Variants in ZC4H2 observed in about 807,000 individuals in gnomAD.
The protein encoded by ZC4H2 is zinc finger C4H2-type containing, also known as zinc finger C4H2 domain-containing protein.
For synonymous variants in ZC4H2, 84 were observed against 66.3 expected, an observed-to-expected ratio of 1.27 and a Z score of -1.30; for missense variants, 137 against 173.9, an observed-to-expected ratio of 0.79 and a Z score of 1.19.
At chrX:64,932,361 G>A (rs1007883028) in intron 1 of ZC4H2, among the ~76,000 whole-genome samples, 3 of 111,070 alleles carry the variant, frequency 2.7e-5, no homozygotes, top group Admixed American at 1.9e-4. Flanking sequence ...ATTTACATTC[G>A]ATGTTAGTAT....
intron 1 of ZC4H2, among the ~76,000 whole-genome samples, chrX:64,995,040 C>T (rs1932384321): frequency 9.6e-6 from 1 of 103,849 alleles, no homozygotes; most frequent in Non-Finnish European, 2.0e-5. Flanking sequence ...AAGGAAATTA[C>T]AAAATCAGTC....
chrX:65,034,723 G>C (rs1316885358), upstream of ZC4H2: 1 of 113,181 alleles, frequency 8.8e-6, no homozygotes, highest in Non-Finnish European at 1.9e-5. Flanking sequence ...CGGCGCCAGC[G>C]GTGGCAGCAG....
At chrX:64,978,772 C>A (rs1342644350), upstream of ZC4H2, among the ~76,000 whole-genome samples, 1 of 111,018 alleles carries the variant, frequency 9.0e-6, no homozygotes, top group Non-Finnish European at 1.9e-5. Context: ...ACCAAAACTA[C>A]AATGGGGTCC....
At chrX:64,972,331 G>A (rs1387374650) in intron 1 of ZC4H2, among the ~76,000 whole-genome samples, 2 of 111,364 alleles carry the variant, frequency 1.8e-5, no homozygotes, top group Non-Finnish European at 1.9e-5. Flanking sequence ...ATTGGTGTGA[G>A]TGCTGAGTAT....
At chrX:64,948,460 G>A (rs1228053788) in intron 1 of ZC4H2, among the ~76,000 whole-genome samples, 1 of 111,713 alleles carries the variant, frequency 9.0e-6, no homozygotes, top group Non-Finnish European at 1.9e-5. Context: ...CATTGGCTAA[G>A]TTCATCAGGG....
At chrX:64,932,526 C>A (rs1464279982) in intron 1 of ZC4H2, among the ~76,000 whole-genome samples, 1 of 111,503 alleles carries the variant, frequency 9.0e-6, no homozygotes, top group Non-Finnish European at 1.9e-5. Context: ...ACATTTAGAA[C>A]TCCTTTTAGC....
intron 2 of ZC4H2, 148 bp from the exon 3 acceptor site, chrX:64,920,401 G>T: frequency 1.9e-6 from 1 of 537,886 alleles, no homozygotes; most frequent in Non-Finnish European, 2.8e-6. Context: ...ATGTAACTCT[G>T]GTCAAGTCTC....
intron 1 of ZC4H2, among the ~76,000 whole-genome samples, chrX:64,926,610 C>T (rs189418625): frequency 1.3e-4 from 15 of 111,905 alleles, no homozygotes; most frequent in Admixed American, 1.3e-3. Flanking sequence ...TTGCATTTCC[C>T]TAATGCCCAT....
chrX:64,919,460 A>G, intron 3 of ZC4H2: 1 of 327,505 alleles, frequency 3.1e-6, no homozygotes. Context: ...CTTAAAGGGT[A>G]TTCAGTCCTA....
Position 64,949,696 on chromosome X carries a change from C to T in ZC4H2, c.53+26629G>A, listed in dbSNP as rs1016596047. Reference sequence around the variant, plus strand: ...TTTCTGTGGGATTGGTGGTGATATCCCCTTTATCATTTTTTATGGCATCCA... The same window carrying T: ...TTTCTGTGGGATTGGTGGTGATATCTCCTTTATCATTTTTTATGGCATCCA... On this transcript the variant is annotated intron_variant, in intron 1 of 4. Transcript: ENST00000374839. Among the ~76,000 whole-genome samples, 11 of 111,070 alleles carry T rather than the reference C, an allele frequency of 9.9e-5. No homozygotes were observed. In the East Asian group the frequency reaches 2.6e-3, roughly 26 times the overall value.
At chrX:64,938,983 A>T (rs1930144188) in intron 1 of ZC4H2, among the ~76,000 whole-genome samples, 1 of 112,180 alleles carries the variant, frequency 8.9e-6, no homozygotes, top group Non-Finnish European at 1.9e-5. Flanking sequence ...AAATAGAAAG[A>T]GAGGAAGTCA....
upstream of ZC4H2, among the ~76,000 whole-genome samples, chrX:64,978,835 G>A (rs954104432): frequency 3.6e-5 from 4 of 111,206 alleles, no homozygotes; most frequent in Admixed American, 3.8e-4. Context: ...CATTAATGCT[G>A]GCTTGGGGAG....
At chrX:64,975,570 C>A (rs1414898102) in intron 1 of ZC4H2, among the ~76,000 whole-genome samples, 1 of 111,335 alleles carries the variant, frequency 9.0e-6, no homozygotes, top group Admixed American at 9.5e-5. Context: ...GCCCGCCTGG[C>A]GCTATTGTGT....
In ZC4H2 at chrX:64,991,539, T is replaced by A. The variant is rs779689884; in HGVS notation, c.-272+43090A>T. ...CAGGCTGAGAAACATAGCATCACCC[T>A]GTCTCAAAATGAAACAAACAAAACT... is the stretch of plus-strand genomic sequence containing the variant. On this transcript the variant is annotated intron_variant, in intron 1 of 4. Transcript: ENST00000337990. Among the ~76,000 whole-genome samples, 6 of 111,765 alleles carry A rather than the reference T, an allele frequency of 5.4e-5. No individual in the cohort carries two copies. The East Asian group carries it at 1.4e-3, about 26-fold the overall frequency.
intron 1 of ZC4H2, among the ~76,000 whole-genome samples, chrX:64,952,336 A>G (rs759372899): frequency 1.1e-4 from 12 of 109,578 alleles, no homozygotes; most frequent in African/African-American, 2.3e-4. Flanking sequence ...AATTCTGTGA[A>G]GAAAGTCATT....
intron 1 of ZC4H2, among the ~76,000 whole-genome samples, chrX:64,941,985 C>T (rs1352960250): frequency 9.0e-6 from 1 of 111,500 alleles, no homozygotes; most frequent in African/African-American, 3.3e-5. Flanking sequence ...CCTCTTTTTA[C>T]CTTTGATAGA....
chrX:64,929,243 T>C (rs1240504377), intron 1 of ZC4H2, among the ~76,000 whole-genome samples: 2 of 111,102 alleles, frequency 1.8e-5, no homozygotes, highest in African/African-American at 6.6e-5. Context: ...CTTATTTGTT[T>C]GAGTTCCTTG....
chrX:64,950,380 T>A (rs143271856), intron 1 of ZC4H2, among the ~76,000 whole-genome samples: 52 of 111,661 alleles, frequency 4.7e-4, no homozygotes, highest in African/African-American at 1.7e-3. Flanking sequence ...GGTGCAGAGA[T>A]GAGTTCAATT....
At chrX:64,927,041 C>G (rs1929453189) in intron 1 of ZC4H2, among the ~76,000 whole-genome samples, 1 of 111,657 alleles carries the variant, frequency 9.0e-6, no homozygotes, top group Non-Finnish European at 1.9e-5. Context: ...AATATTTTCT[C>G]CCACGCAGTA....
Sources: gnomAD v4.1 joint callset for allele counts (sites outside exome capture counted in the v4.1 genomes callset) on GRCh38, gnomAD v4.1.1 for gene constraint, MANE v1.5 for transcripts, NCBI Gene and HGNC (gene_info 2026-07-23, HGNC 2026-07-21) for gene names.